The following PTPRT variants were observed in gnomAD, a reference collection of about 807,000 sequenced individuals.
PTPRT encodes protein tyrosine phosphatase receptor type T.
In PTPRT, 56 loss-of-function variants were observed where a neutral mutation model predicts 176.8. The observed-to-expected ratio is 0.32, with a 90% CI of 0.26 to 0.40. The LOEUF is 0.40. PTPRT is among the 10% of genes least tolerant of loss of function. PTPRT has a pLI of 1.00. For missense variants in PTPRT, 1,540 were observed against 1,908.2 expected, an observed-to-expected ratio of 0.81 and a Z score of 3.60; for synonymous variants, 783 against 739.0, an observed-to-expected ratio of 1.06 and a Z score of -0.96.
At position 43,011,239 on chromosome 20, in the gene PTPRT, C is replaced by T. The variant is rs759224471; in HGVS notation, c.89-125307G>A. ...TAAGAGGAGCCAGAGTCAAGTGTGG[C>T]CACCTAAGAAAATGCCCACGCCACA... On this transcript the variant is annotated intron_variant, in intron 1 of 30. Transcript: ENST00000373187. 2.6e-5 allele frequency among the ~76,000 whole-genome samples: 4 copies of T among 152,172 alleles called. No homozygotes were observed. The South Asian group carries it at 8.3e-4, about 32-fold the overall frequency.
In PTPRT at chr20:42,080,828, G is replaced by A. The variant is rs1224628833; in HGVS notation, c.*51C>T. ...AGTTACTGCCATTCACACAAAAGGGGGCTTGGTCACAGCAGCCTCTGGACT... is the reference window on the plus strand; with the variant it reads ...AGTTACTGCCATTCACACAAAAGGGAGCTTGGTCACAGCAGCCTCTGGACT... On this transcript the variant is annotated 3_prime_UTR_variant, in exon 31 of 31. Transcript: ENST00000373187. 1 of 1,548,736 alleles carries A rather than the reference G, an allele frequency of 6.5e-7. No homozygotes were observed. Among genetic ancestry groups the A allele is most frequent in the South Asian group, 1.1e-5 (1 of 89,588 alleles).
Position 42,248,745 on chromosome 20 carries a change from C to G in PTPRT, c.2254G>C (p.Ala752Pro). Reference protein sequence around the residue: ...DNTVKMAGVIAGLLMFIIILL... With the variant: ...DNTVKMAGVIPGLLMFIIILL... ...ATGATGATGAACATGAGGAGGCCAGCGATCACGCCAGCCATCTTCACGGTG... is the reference window on the plus strand; with the variant it reads ...ATGATGATGAACATGAGGAGGCCAGGGATCACGCCAGCCATCTTCACGGTG... The change falls in exon 14 of 31, where the codon GCT becomes CCT. Residue 752 changes from alanine to proline, a missense_variant. Coordinates refer to ENST00000373187, the MANE Select transcript of PTPRT (RefSeq NM_007050.6). 1 of 1,614,016 alleles carries G rather than the reference C, an allele frequency of 6.2e-7. No individual in the cohort carries two copies. Among genetic ancestry groups the G allele is most frequent in the South Asian group, 1.1e-5 (1 of 91,044 alleles).
At chr20:42,561,402 T>C (rs926227755) in intron 7 of PTPRT, among the ~76,000 whole-genome samples, 6 of 152,174 alleles carry the variant, frequency 3.9e-5, no homozygotes, top group African/African-American at 1.4e-4. Context: ...CAAGTGTCAT[T>C]GATGCATATT....
At chr20:42,526,099 T>C (rs1248629767) in intron 7 of PTPRT, among the ~76,000 whole-genome samples, 1 of 152,180 alleles carries the variant, frequency 6.6e-6, no homozygotes, top group Admixed American at 6.5e-5. Context: ...CCATTAATTT[T>C]ACTTGATATA....
At position 42,760,571 on chromosome 20, in the gene PTPRT, T is replaced by C. The variant is rs527527120; in HGVS notation, c.685-3935A>G. Among the ~76,000 whole-genome samples, 3 of 152,220 alleles carry C rather than the reference T, an allele frequency of 2.0e-5. No individual in the cohort carries two copies. The South Asian group carries it at 6.2e-4, about 32-fold the overall frequency. On this transcript the variant is annotated intron_variant, in intron 5 of 30. Coordinates refer to ENST00000373187, the MANE Select transcript of PTPRT (RefSeq NM_007050.6). ...ATTTTGTTCAACTTAACAAGATTTATCTGAGCGTTTATCAAGTAAAAGTCA... is the reference window on the plus strand; with the variant it reads ...ATTTTGTTCAACTTAACAAGATTTACCTGAGCGTTTATCAAGTAAAAGTCA...
intron 7 of PTPRT, among the ~76,000 whole-genome samples, chr20:42,614,889 T>C (rs975480618): frequency 3.3e-5 from 5 of 151,750 alleles, no homozygotes; most frequent in Non-Finnish European, 5.9e-5. Context: ...AGAGAGCTTG[T>C]ATAGAGGAAC....
chr20:42,978,491 T>G (rs1313034939), intron 1 of PTPRT, among the ~76,000 whole-genome samples: 1 of 152,204 alleles, frequency 6.6e-6, no homozygotes, highest in African/African-American at 2.4e-5. Context: ...TAGATGAACA[T>G]ATCACTTTAT....
At chr20:42,045,225 AC>A in the PTPRT span, among the ~76,000 whole-genome samples, 1 of 151,996 alleles carries the variant, frequency 6.6e-6, no homozygotes, top group Non-Finnish European at 1.5e-5. Flanking sequence ...GGATTATTCT[AC>A]CTACCAGAGA....
intron 7 of PTPRT, among the ~76,000 whole-genome samples, chr20:42,589,399 C>G (rs989714250): frequency 2.0e-5 from 3 of 152,192 alleles, no homozygotes; most frequent in African/African-American, 7.2e-5. Context: ...AAAGCAAGTT[C>G]CGTTCTTCAA....
At chr20:42,875,883 T>C (rs1207401128) in intron 2 of PTPRT, among the ~76,000 whole-genome samples, 1 of 152,188 alleles carries the variant, frequency 6.6e-6, no homozygotes, top group Non-Finnish European at 1.5e-5. Flanking sequence ...ATCTGTAAAA[T>C]GCAGATAACA....
chr20:42,825,550 C>T (rs893829732), intron 2 of PTPRT, among the ~76,000 whole-genome samples: 49 of 150,964 alleles, frequency 3.2e-4, no homozygotes, highest in African/African-American at 1.2e-3. Context: ...TGAGCATATG[C>T]ATACACATGT....
chr20:42,572,822 G>A (rs1189484401), intron 7 of PTPRT, among the ~76,000 whole-genome samples: 1 of 151,700 alleles, frequency 6.6e-6, no homozygotes, highest in Non-Finnish European at 1.5e-5. Context: ...AACATTCTCT[G>A]CCTTCTCGGG....
intron 12 of PTPRT, among the ~76,000 whole-genome samples, chr20:42,292,151 C>T (rs1266898741): frequency 6.6e-6 from 1 of 152,056 alleles, no homozygotes; most frequent in Non-Finnish European, 1.5e-5. Context: ...TCAGCCTGGG[C>T]TTATGGTATT....
At chr20:42,182,272 G>C (rs1242739812) in intron 16 of PTPRT, among the ~76,000 whole-genome samples, 1 of 152,158 alleles carries the variant, frequency 6.6e-6, no homozygotes, top group Non-Finnish European at 1.5e-5. Flanking sequence ...GTGGCATTGT[G>C]AGTTTGTTTT....
chr20:42,370,605 T>G (rs534460279), intron 9 of PTPRT, among the ~76,000 whole-genome samples: 1 of 152,312 alleles, frequency 6.6e-6, no homozygotes, highest in African/African-American at 2.4e-5. Context: ...TTCTCTTCTG[T>G]TAAATGGAGA....
At chr20:43,165,030 G>A (rs1354791566) in intron 1 of PTPRT, among the ~76,000 whole-genome samples, 1 of 152,132 alleles carries the variant, frequency 6.6e-6, no homozygotes, top group East Asian at 1.9e-4. Context: ...ATCCCCATGT[G>A]TCATGGGAGG....
intron 16 of PTPRT, among the ~76,000 whole-genome samples, chr20:42,184,595 C>CTTCT (rs1990684333): frequency 1.3e-3 from 39 of 29,386 alleles, no homozygotes; most frequent in South Asian, 3.2e-3. Flanking sequence ...CTTCTTCTTC[C>CTTCT]TCTTCTTCTT....
intron 7 of PTPRT, among the ~76,000 whole-genome samples, chr20:42,523,661 T>C (rs2072216921): frequency 6.6e-6 from 1 of 152,242 alleles, no homozygotes; most frequent in Admixed American, 6.5e-5. Context: ...TTTAGTACAA[T>C]GACGTAGACA....
the PTPRT span, among the ~76,000 whole-genome samples, chr20:42,064,777 G>A: frequency 2.0e-5 from 3 of 152,174 alleles, no homozygotes; most frequent in Non-Finnish European, 4.4e-5. Context: ...CTTTAATACT[G>A]CTTTTATAAA....
Sources: gnomAD v4.1 joint callset for allele counts (sites outside exome capture counted in the v4.1 genomes callset) on GRCh38, gnomAD v4.1.1 for gene constraint, MANE v1.5 for transcripts, NCBI Gene and HGNC (gene_info 2026-07-23, HGNC 2026-07-21) for gene names.